The following DLGAP1 variants were observed in gnomAD, a reference collection of about 807,000 sequenced individuals.
The protein encoded by DLGAP1 is disks large-associated protein 1.
DLGAP1 carries 11 observed loss-of-function variants against 90.8 expected under a neutral mutation model. That is an observed-to-expected ratio of 0.12 (90% CI 0.08 to 0.20). The LOEUF is 0.20. DLGAP1 is among the 10% of genes least tolerant of loss of function. The pLI is 1.00. For missense variants in DLGAP1, 1,050 were observed against 1,333.8 expected (o/e 0.79, Z 3.31); for synonymous variants, 558 against 540.7 (o/e 1.03, Z -0.44).
intron 2 of DLGAP1, among the ~76,000 whole-genome samples, chr18:4,105,899 G>C (rs959444207): frequency 8.6e-5 from 13 of 151,914 alleles, no homozygotes; most frequent in Non-Finnish European, 1.5e-4. Flanking sequence ...GGGCGTGGTG[G>C]CGGGCACCTG....
chr18:3,577,346 T>C (rs1173587386), intron 8 of DLGAP1, among the ~76,000 whole-genome samples: 2 of 152,224 alleles, frequency 1.3e-5, no homozygotes, highest in South Asian at 4.1e-4. Context: ...AGTCTTCCCA[T>C]ACCTGTGTAA....
intron 7 of DLGAP1, among the ~76,000 whole-genome samples, chr18:3,609,834 G>T (rs539353977): frequency 6.6e-6 from 1 of 151,556 alleles, no homozygotes; most frequent in African/African-American, 2.4e-5. Context: ...GAGGTGGGTG[G>T]ATCATTTGAG....
chr18:3,973,689 T>G (rs1284733705), intron 3 of DLGAP1, among the ~76,000 whole-genome samples: 1 of 152,216 alleles, frequency 6.6e-6, no homozygotes, highest in Non-Finnish European at 1.5e-5. Context: ...TTAGATAATT[T>G]TATTCTTTCT....
chr18:3,772,331 CTT>C (rs2064641028), intron 5 of DLGAP1, among the ~76,000 whole-genome samples: 1 of 53,322 alleles, frequency 1.9e-5, no homozygotes, highest in Non-Finnish European at 4.4e-5. Context: ...CCTTTCTCTC[CTT>C]CTCTCTCTCT....
At chr18:3,522,144 T>C (rs1445756295) in intron 10 of DLGAP1, among the ~76,000 whole-genome samples, 2 of 149,294 alleles carry the variant, frequency 1.3e-5, no homozygotes, top group Admixed American at 6.7e-5. Flanking sequence ...GCTTTTTTTT[T>C]TTTTTTTTTT....
chr18:3,980,958 A>T (rs1447704816), intron 3 of DLGAP1, among the ~76,000 whole-genome samples: 1 of 152,228 alleles, frequency 6.6e-6, no homozygotes, highest in Non-Finnish European at 1.5e-5. Flanking sequence ...TATAGTCACC[A>T]TCTTGTTCAA....
rs58860809 is a variant in DLGAP1 at position 3,886,184 on chromosome 18, G to A, written c.-72-6044C>T. Among the ~76,000 whole-genome samples the A allele has an allele frequency of 1.2e-3, 190 of 152,276 alleles. 1 individual carries two copies. Among genetic ancestry groups the A allele is most frequent in the African/African-American group, 4.4e-3 (183 of 41,540 alleles). On this transcript the variant is annotated intron_variant, in intron 3 of 12. Coordinates refer to ENST00000315677, the MANE Select transcript of DLGAP1 (RefSeq NM_004746.4). ...GAAAGAAAGTGGTGGACCCTGCCCA[G>A]GAGAACAGGGGCACTGTGTTCTTGT...
chr18:4,388,150 G>C (rs1438019700), intron 1 of DLGAP1, among the ~76,000 whole-genome samples: 1 of 152,004 alleles, frequency 6.6e-6, no homozygotes, highest in Non-Finnish European at 1.5e-5. Flanking sequence ...AATATTTCAA[G>C]AGACAAATGA....
At chr18:4,188,376 G>A (rs916378221) in intron 1 of DLGAP1, among the ~76,000 whole-genome samples, 5 of 152,138 alleles carry the variant, frequency 3.3e-5, no homozygotes, top group Admixed American at 1.3e-4. Flanking sequence ...ATAGGTATAC[G>A]TTGTGCCATG....
chr18:3,537,629 G>A (rs894227035), intron 9 of DLGAP1, among the ~76,000 whole-genome samples: 13 of 152,122 alleles, frequency 8.5e-5, no homozygotes, highest in African/African-American at 2.7e-4. Context: ...TATATATCCC[G>A]AGGTAGAACT....
At chr18:4,002,534 G>A (rs1265441737) in intron 3 of DLGAP1, among the ~76,000 whole-genome samples, 1 of 92,002 alleles carries the variant, frequency 1.1e-5, no homozygotes, top group Non-Finnish European at 2.5e-5. Flanking sequence ...TCTTGCTTAT[G>A]ATTTTCTTAA....
Position 3,661,571 on chromosome 18 carries a change from C to CTTTTTTTTTT in DLGAP1, c.1591+67554_1591+67563dup, listed in dbSNP as rs10549959. ...AGGCAGAGGGAAGAAGCTGTAAGGT[C>CTTTTTTTTTT]TTTTTTTTTTTTTTTTTTTTTTTGA... On this transcript the variant is annotated intron_variant, in intron 7 of 12. Transcript: ENST00000315677. Among the ~76,000 whole-genome samples, 10 of 125,272 alleles carry CTTTTTTTTTT rather than the reference C, an allele frequency of 8.0e-5. 1 individual carries two copies. Among genetic ancestry groups the CTTTTTTTTTT allele is most frequent in the African/African-American group, 2.9e-4 (10 of 34,964 alleles). 82.2% of individuals were successfully genotyped at this position (125,272 alleles called of 152,430 possible).
intron 12 of DLGAP1, among the ~76,000 whole-genome samples, chr18:3,501,775 G>A (rs1434341550): frequency 2.0e-5 from 3 of 151,994 alleles, no homozygotes; most frequent in Admixed American, 2.0e-4. Flanking sequence ...TGCCAGCCTG[G>A]GGAGCTGGAC....
intron 7 of DLGAP1, among the ~76,000 whole-genome samples, chr18:3,634,982 T>TA (rs1446417702): frequency 6.6e-6 from 1 of 152,180 alleles, no homozygotes; most frequent in Admixed American, 6.5e-5. Context: ...TGGCTCCTGT[T>TA]AGAGCAGGGT....
chr18:4,219,818 T>C (rs1333847853), intron 1 of DLGAP1, among the ~76,000 whole-genome samples: 2 of 152,134 alleles, frequency 1.3e-5, no homozygotes, highest in Non-Finnish European at 2.9e-5. Context: ...CTGGTGTTTC[T>C]ATCCTGTTTT....
chr18:3,679,352 GAC>G (rs2060427651), intron 7 of DLGAP1, among the ~76,000 whole-genome samples: 1 of 152,130 alleles, frequency 6.6e-6, no homozygotes, highest in South Asian at 2.1e-4. Context: ...TGTGTGACAT[GAC>G]ACTACTTGTC....
intron 5 of DLGAP1, among the ~76,000 whole-genome samples, chr18:3,756,204 G>T (rs1007783629): frequency 6.6e-6 from 1 of 151,822 alleles, no homozygotes; most frequent in South Asian, 2.1e-4. Flanking sequence ...TGCCCACCAC[G>T]ATGCCCGGCT....
At chr18:3,578,422 C>A (rs1052300364) in intron 8 of DLGAP1, among the ~76,000 whole-genome samples, 4 of 150,108 alleles carry the variant, frequency 2.7e-5, no homozygotes, top group African/African-American at 7.4e-5. Flanking sequence ...AGTGGTACAA[C>A]CTTGGCTCAC....
intron 9 of DLGAP1, among the ~76,000 whole-genome samples, chr18:3,549,738 T>G (rs1261554650): frequency 2.0e-5 from 3 of 152,144 alleles, no homozygotes; most frequent in African/African-American, 7.2e-5. Flanking sequence ...TCAGAACTTG[T>G]TTTTTATGAC....
Sources: gnomAD v4.1 joint callset for allele counts (sites outside exome capture counted in the v4.1 genomes callset) on GRCh38, gnomAD v4.1.1 for gene constraint, MANE v1.5 for transcripts, NCBI Gene and HGNC (gene_info 2026-07-23, HGNC 2026-07-21) for gene names.